LARGE1: variants seen among roughly 807,000 people sequenced by gnomAD.
The protein encoded by LARGE1 is LARGE xylosyl- and glucuronyltransferase 1.
Under a neutral mutation model 87.6 loss-of-function variants are expected in LARGE1, and 43 were observed. The observed-to-expected ratio is 0.49, with a 90% CI of 0.38 to 0.63. The LOEUF is 0.63. Among genes scored for constraint, LARGE1 ranks in the 30% least tolerant of loss-of-function variants. The pLI, the probability that LARGE1 is intolerant of heterozygous loss-of-function variation, is 0.00. For missense variants in LARGE1, 802 were observed against 1,000.2 expected (o/e 0.80, Z 2.67); for synonymous variants, 434 against 394.6 (o/e 1.10, Z -1.18).
chr22:33,264,762 G>A (rs1240810894), intron 11 of LARGE1, among the ~76,000 whole-genome samples: 1 of 151,896 alleles, frequency 6.6e-6, no homozygotes, highest in Non-Finnish European at 1.5e-5. Context: ...GAACTCTAGT[G>A]AGCTCTCTTT....
At position 33,304,376 on chromosome 22, in the gene LARGE1, T is replaced by C; in HGVS notation, c.1583A>G (p.Asn528Ser). ...QGSEVLMSRH[N>S]VGYHIVYKEG... ...CTTGTACACGATGTGGTAGCCCACG[T>C]TGTGGCGGCTCATAAGCACCTCAGA... The change falls in exon 12 of 15, where the codon AAC becomes AGC. Residue 528 changes from asparagine to serine, a missense_variant. This residue lies in a region of LARGE1 where 625 missense variants were observed against 841.9 expected (regional missense o/e 0.74). Coordinates refer to ENST00000397394, the MANE Select transcript of LARGE1 (RefSeq NM_133642.5). 2 of 1,614,208 alleles carry C rather than the reference T, an allele frequency of 1.2e-6. No homozygotes were observed. The highest frequency in any genetic ancestry group is 1.7e-6 in the Non-Finnish European group (2 of 1,180,016).
chr22:33,711,806 T>C (rs1196950455), intron 2 of LARGE1, among the ~76,000 whole-genome samples: 2 of 152,106 alleles, frequency 1.3e-5, no homozygotes, highest in East Asian at 3.9e-4. Flanking sequence ...ACCACTATGC[T>C]TGGCTAATTT....
At chr22:33,246,724 A>C (rs1926776942) in intron 11 of LARGE1, among the ~76,000 whole-genome samples, 1 of 152,234 alleles carries the variant, frequency 6.6e-6, no homozygotes, top group Non-Finnish European at 1.5e-5. Context: ...TGTGCTTTAC[A>C]TTTGGATTAA....
chr22:33,711,922 A>G (rs2082741498), intron 2 of LARGE1, among the ~76,000 whole-genome samples: 1 of 152,078 alleles, frequency 6.6e-6, no homozygotes, highest in Admixed American at 6.6e-5. Flanking sequence ...CAGCCTCCCA[A>G]AGTGTTGGGA....
the LARGE1 span, among the ~76,000 whole-genome samples, chr22:33,075,270 C>T: frequency 1.3e-5 from 2 of 152,210 alleles, no homozygotes; most frequent in Non-Finnish European, 2.9e-5. Context: ...TCCAGATCTT[C>T]TTACTCCAAA....
intron 11 of LARGE1, among the ~76,000 whole-genome samples, chr22:33,228,631 A>G (rs1300397445): frequency 1.3e-5 from 2 of 152,234 alleles, no homozygotes; most frequent in Non-Finnish European, 2.9e-5. Context: ...AATTAAATAC[A>G]TCTTTCTCTG....
chr22:33,068,531 G>C, the LARGE1 span, among the ~76,000 whole-genome samples: 1 of 152,158 alleles, frequency 6.6e-6, no homozygotes, highest in Non-Finnish European at 1.5e-5. Context: ...TGTAGTCCCA[G>C]CTACTTGGGA....
At chr22:33,588,844 C>T in intron 5 of LARGE1, among the ~76,000 whole-genome samples, 1 of 152,166 alleles carries the variant, frequency 6.6e-6, no homozygotes, top group East Asian at 1.9e-4. Context: ...ACAGAAAACA[C>T]ACTGATTTTT....
At chr22:33,073,305 G>C in the LARGE1 span, among the ~76,000 whole-genome samples, 4 of 152,202 alleles carry the variant, frequency 2.6e-5, no homozygotes, top group African/African-American at 9.7e-5. Context: ...TCTCTGTAGA[G>C]TGGGGCTGAA....
intron 1 of LARGE1, among the ~76,000 whole-genome samples, chr22:33,789,355 A>AT (rs1029075113): frequency 6.6e-6 from 1 of 152,226 alleles, no homozygotes; most frequent in African/African-American, 2.4e-5. Flanking sequence ...AAATGCCTGG[A>AT]TGTCCAGGCA....
intron 9 of LARGE1, among the ~76,000 whole-genome samples, chr22:33,368,489 A>G (rs1427387736): frequency 1.4e-5 from 2 of 146,676 alleles, no homozygotes; most frequent in Admixed American, 1.5e-4. Flanking sequence ...AGCTGAGATC[A>G]TGCCACTGCA....
intron 6 of LARGE1, among the ~76,000 whole-genome samples, chr22:33,445,410 A>G (rs1018816383): frequency 6.6e-6 from 1 of 152,218 alleles, no homozygotes; most frequent in South Asian, 2.1e-4. Context: ...AAGTTAGCCA[A>G]AAAGGTTGCT....
At chr22:33,565,346 T>C (rs751197612) in intron 5 of LARGE1, among the ~76,000 whole-genome samples, 2 of 152,192 alleles carry the variant, frequency 1.3e-5, no homozygotes, top group African/African-American at 4.8e-5. Context: ...AAAAAGGATA[T>C]GCAAAAACAT....
At chr22:33,791,736 G>A (rs2085830283) in intron 1 of LARGE1, among the ~76,000 whole-genome samples, 1 of 152,134 alleles carries the variant, frequency 6.6e-6, no homozygotes, top group Non-Finnish European at 1.5e-5. Flanking sequence ...CAAGCCAAAG[G>A]CTTACTACTT....
chr22:33,122,413 C>G, the LARGE1 span, among the ~76,000 whole-genome samples: 39 of 147,582 alleles, frequency 2.6e-4, no homozygotes, highest in Admixed American at 4.1e-4. Context: ...GGCTGGAGTG[C>G]AATGGCGCTA....
intron 9 of LARGE1, among the ~76,000 whole-genome samples, chr22:33,373,677 G>C (rs573599660): frequency 1.3e-5 from 2 of 150,394 alleles, no homozygotes; most frequent in Non-Finnish European, 3.0e-5. Context: ...ATTATGGCTT[G>C]TCCATTAAAT....
At chr22:33,122,078 A>C in the LARGE1 span, among the ~76,000 whole-genome samples, 1 of 152,198 alleles carries the variant, frequency 6.6e-6, no homozygotes, top group Non-Finnish European at 1.5e-5. Flanking sequence ...TTTTCCCAGA[A>C]AATTAAGGAT....
chr22:33,413,961 T>C (rs2066399553), intron 7 of LARGE1, among the ~76,000 whole-genome samples: 1 of 152,210 alleles, frequency 6.6e-6, no homozygotes. Context: ...TGTGGGGTGT[T>C]ACAATATCTT....
At position 33,912,988 on chromosome 22, in the gene LARGE1, G is replaced by A. The variant is rs537441776; in HGVS notation, c.-83+7007C>T. 3.7e-4 allele frequency among the ~76,000 whole-genome samples: 57 copies of A among 152,152 alleles called. No homozygotes were observed. The East Asian group carries it at 6.0e-3, about 16-fold the overall frequency. ...TGGGATTACAGGCGTGCGCCACCACGCCCGGCTAATTTTTGTATTTTTTAG... is the reference window on the plus strand; with the variant it reads ...TGGGATTACAGGCGTGCGCCACCACACCCGGCTAATTTTTGTATTTTTTAG... On this transcript the variant is annotated intron_variant, in intron 1 of 14. Coordinates refer to ENST00000397394, the MANE Select transcript of LARGE1 (RefSeq NM_133642.5).
Sources: gnomAD v4.1 joint callset for allele counts (sites outside exome capture counted in the v4.1 genomes callset) on GRCh38, gnomAD v4.1.1 for gene constraint, gnomAD v4.1.1 regional missense constraint, MANE v1.5 for transcripts, NCBI Gene and HGNC (gene_info 2026-07-23, HGNC 2026-07-21) for gene names.